NFIB: variants seen among roughly 807,000 people sequenced by gnomAD.
The protein encoded by NFIB is nuclear factor 1 B-type.
A neutral mutation model predicts 61.5 loss-of-function variants in NFIB; 11 were observed. The ratio of observed to expected loss-of-function variants is 0.18; its 90% CI spans 0.11 to 0.30. NFIB has a LOEUF of 0.30. NFIB is among the 10% of genes least tolerant of loss of function. NFIB has a pLI of 1.00. For missense variants in NFIB, 471 were observed against 608.9 expected (o/e 0.77, Z 2.38); for synonymous variants, 260 against 216.5 (o/e 1.20, Z -1.76).
At position 14,205,615 on chromosome 9, in the gene NFIB, C is replaced by G. The variant is rs543210345; in HGVS notation, c.563-25835G>C. ...AGAGACACATTAGGCCTGGTGTACT[C>G]CTGTAATCATCATTGGCAGTGATTA... On this transcript the variant is annotated intron_variant, in intron 2 of 10. Coordinates refer to ENST00000380953, the MANE Select transcript of NFIB (RefSeq NM_001190737.2). Among the ~76,000 whole-genome samples, 5 of 152,192 alleles carry G rather than the reference C, an allele frequency of 3.3e-5. No homozygotes were observed. In the East Asian group the frequency reaches 9.8e-4, roughly 30 times the overall value.
chr9:14,506,784 G>C, the NFIB span, among the ~76,000 whole-genome samples: 1 of 152,134 alleles, frequency 6.6e-6, no homozygotes. Context: ...GGAGGTGCTT[G>C]GCTGAAAGGG....
At chr9:14,222,215 T>C (rs2051762584) in intron 2 of NFIB, among the ~76,000 whole-genome samples, 1 of 152,104 alleles carries the variant, frequency 6.6e-6, no homozygotes, top group Non-Finnish European at 1.5e-5. Flanking sequence ...GCTTGGAACA[T>C]GTAACTTCCT....
intron 1 of NFIB, among the ~76,000 whole-genome samples, chr9:14,394,768 C>T (rs189556997): frequency 2.6e-5 from 4 of 152,278 alleles, no homozygotes; most frequent in Admixed American, 2.0e-4. Context: ...TCACCTCTGA[C>T]ATTTCCTAAC....
the NFIB span, among the ~76,000 whole-genome samples, chr9:14,465,821 G>A: frequency 5.3e-5 from 8 of 152,204 alleles, no homozygotes; most frequent in Non-Finnish European, 7.4e-5. Context: ...TGCACTGTAC[G>A]ATGTTAAGCA....
the NFIB span, among the ~76,000 whole-genome samples, chr9:14,408,850 T>C: frequency 2.0e-5 from 3 of 152,210 alleles, no homozygotes; most frequent in African/African-American, 7.2e-5. Context: ...ATTTTTTTAA[T>C]CCTCATAGCA....
At chr9:14,391,192 C>G (rs2061615505) in intron 1 of NFIB, among the ~76,000 whole-genome samples, 1 of 152,060 alleles carries the variant, frequency 6.6e-6, no homozygotes, top group Admixed American at 6.6e-5. Flanking sequence ...CAAATACTAC[C>G]TTGTCATTGG....
the NFIB span, among the ~76,000 whole-genome samples, chr9:14,459,131 A>C: frequency 1.3e-5 from 2 of 149,012 alleles, no homozygotes; most frequent in East Asian, 3.9e-4. Flanking sequence ...ACAAGGTTAC[A>C]GTAATCAAAA....
At chr9:14,366,606 C>T (rs1327488619) in intron 1 of NFIB, among the ~76,000 whole-genome samples, 3 of 152,042 alleles carry the variant, frequency 2.0e-5, no homozygotes, top group Admixed American at 2.0e-4. Flanking sequence ...CTGCTGCAGC[C>T]TCCCGAGTAG....
the NFIB span, among the ~76,000 whole-genome samples, chr9:14,421,899 T>C: frequency 3.3e-5 from 5 of 152,242 alleles, no homozygotes; most frequent in African/African-American, 1.2e-4. Context: ...AGATAATTCA[T>C]GAGAGCAGAA....
rs1343168675 is a variant in NFIB at position 14,331,667 on chromosome 9, T to A, written c.109-24147A>T. Among the ~76,000 whole-genome samples the A allele has an allele frequency of 2.0e-5, 3 of 152,220 alleles. No individual in the cohort carries two copies. The East Asian group carries it at 5.8e-4, about 29-fold the overall frequency. Reference sequence around the variant, plus strand: ...GGAATATAGGCTTTCAACTTGGACCTGGAGGCATTGACTTTTTGGGTTCAA... The same window carrying A: ...GGAATATAGGCTTTCAACTTGGACCAGGAGGCATTGACTTTTTGGGTTCAA... On this transcript the variant is annotated intron_variant, in intron 1 of 8. Coordinates refer to the NFIB transcript ENST00000380934.
chr9:14,400,883 C>T (rs1223611228), upstream of NFIB, among the ~76,000 whole-genome samples: 1 of 152,190 alleles, frequency 6.6e-6, no homozygotes, highest in Non-Finnish European at 1.5e-5. Flanking sequence ...AGGGAGGAGG[C>T]AATGGCTTGG....
intron 2 of NFIB, among the ~76,000 whole-genome samples, chr9:14,266,927 A>G (rs529084593): frequency 1.3e-5 from 2 of 152,356 alleles, no homozygotes; most frequent in Non-Finnish European, 2.9e-5. Flanking sequence ...AATATAAAAC[A>G]AAATGCAAAA....
the NFIB span, among the ~76,000 whole-genome samples, chr9:14,497,467 C>T: frequency 6.6e-6 from 1 of 152,016 alleles, no homozygotes; most frequent in Non-Finnish European, 1.5e-5. Flanking sequence ...CATTTTGGGT[C>T]CTATAGTTGA....
chr9:14,529,942 C>T, the NFIB span, among the ~76,000 whole-genome samples: 2 of 152,136 alleles, frequency 1.3e-5, no homozygotes, highest in East Asian at 1.9e-4. Flanking sequence ...TATTCACAGC[C>T]TACTTCTCTT....
intron 10 of NFIB, among the ~76,000 whole-genome samples, chr9:14,094,721 C>G (rs902276251): frequency 1.3e-5 from 2 of 152,070 alleles, no homozygotes; most frequent in Non-Finnish European, 2.9e-5. Flanking sequence ...ATTATTCTAA[C>G]TGCAAGCAAT....
At chr9:14,110,544 G>T (rs952565048) in intron 10 of NFIB, among the ~76,000 whole-genome samples, 1 of 151,942 alleles carries the variant, frequency 6.6e-6, no homozygotes, top group Admixed American at 6.6e-5. Flanking sequence ...ATCATTGAGT[G>T]CTTTAAACCA....
chr9:14,437,632 G>A, the NFIB span, among the ~76,000 whole-genome samples: 2 of 152,206 alleles, frequency 1.3e-5, no homozygotes, highest in Non-Finnish European at 2.9e-5. Context: ...CTCCCTGGTT[G>A]TTTATAATGG....
chr9:14,343,817 G>C (rs1215968999), intron 1 of NFIB, among the ~76,000 whole-genome samples: 1 of 133,882 alleles, frequency 7.5e-6, no homozygotes, highest in Non-Finnish European at 1.5e-5. Flanking sequence ...AGGGCTGCTT[G>C]GGGACAAGGG....
At chr9:14,146,127 A>G (rs1046889649) in intron 6 of NFIB, among the ~76,000 whole-genome samples, 6 of 152,054 alleles carry the variant, frequency 3.9e-5, no homozygotes, top group Admixed American at 2.6e-4. Context: ...CCATTTCTTA[A>G]AGTTATATTT....
Sources: gnomAD v4.1 joint callset for allele counts (sites outside exome capture counted in the v4.1 genomes callset) on GRCh38, gnomAD v4.1.1 for gene constraint, MANE v1.5 for transcripts, NCBI Gene and HGNC (gene_info 2026-07-23, HGNC 2026-07-21) for gene names.